COBL: variants seen among roughly 807,000 people sequenced by gnomAD.
COBL encodes protein cordon-bleu.
Under a neutral mutation model 98.8 loss-of-function variants are expected in COBL, and 51 were observed. That is an observed-to-expected ratio of 0.52 (90% CI 0.41 to 0.65). The LOEUF is 0.65. Ranked by LOEUF, COBL falls within the 30% of genes least tolerant of loss-of-function variation. The pLI is 0.00. For missense variants in COBL, 1,617 were observed against 1,617.5 expected (o/e 1.00, Z 0.01); for synonymous variants, 634 against 651.7 (o/e 0.97, Z 0.41).
chr7:51,018,206 C>T (rs1328364021), intron 12 of COBL, among the ~76,000 whole-genome samples: 2 of 150,122 alleles, frequency 1.3e-5, no homozygotes, highest in East Asian at 2.0e-4. Context: ...GTGGTGATGG[C>T]GGTGGTTGTG....
chr7:51,240,870 C>T (rs992622550), intron 1 of COBL, among the ~76,000 whole-genome samples: 3 of 152,180 alleles, frequency 2.0e-5, no homozygotes, highest in African/African-American at 4.8e-5. Flanking sequence ...AGGTACTACA[C>T]ATCCTTTTTA....
chr7:51,199,387 G>C (rs2129063437), intron 2 of COBL, among the ~76,000 whole-genome samples: 1 of 152,166 alleles, frequency 6.6e-6, no homozygotes, highest in Admixed American at 6.5e-5. Context: ...CAAATGCACA[G>C]ACACACACAC....
chr7:51,233,992 T>C (rs547016319), intron 1 of COBL, among the ~76,000 whole-genome samples: 1 of 152,362 alleles, frequency 6.6e-6, no homozygotes, highest in South Asian at 2.1e-4. Context: ...AAAAGTATTT[T>C]ATTTAGGATG....
At chr7:51,158,481 T>TG (rs1786424583) in intron 5 of COBL, among the ~76,000 whole-genome samples, 1 of 61,378 alleles carries the variant, frequency 1.6e-5, no homozygotes, top group South Asian at 5.8e-4. Context: ...ATATTTAAGA[T>TG]GCAGAAATCA....
At chr7:51,101,585 G>T (rs1400986213) in intron 6 of COBL, among the ~76,000 whole-genome samples, 2 of 152,176 alleles carry the variant, frequency 1.3e-5, no homozygotes, top group Non-Finnish European at 2.9e-5. Flanking sequence ...GATAGGTCAG[G>T]AAGAAATAAC....
At chr7:51,238,420 G>A (rs564270963) in intron 1 of COBL, among the ~76,000 whole-genome samples, 17 of 152,208 alleles carry the variant, frequency 1.1e-4, no homozygotes, top group African/African-American at 3.9e-4. Flanking sequence ...TGACAGTAGC[G>A]GGGCAGAGCT....
intron 7 of COBL, among the ~76,000 whole-genome samples, chr7:51,083,683 T>G (rs912056082): frequency 1.6e-4 from 24 of 152,216 alleles, no homozygotes; most frequent in Non-Finnish European, 7.3e-5. Flanking sequence ...GATTAAGCAT[T>G]CATTTAGCTT....
intron 8 of COBL, among the ~76,000 whole-genome samples, chr7:51,039,982 G>A (rs1427255447): frequency 6.6e-6 from 1 of 152,152 alleles, no homozygotes; most frequent in East Asian, 1.9e-4. Context: ...CACACTGCCT[G>A]TGATCTCTCA....
At chr7:51,043,834 T>C (rs943532721) in intron 7 of COBL, 142 bp from the exon 8 acceptor site, 20 of 646,910 alleles carry the variant, frequency 3.1e-5, no homozygotes, top group Non-Finnish European at 4.5e-5. Flanking sequence ...CTCATTCAAA[T>C]ACTGCTGAAT....
chr7:51,138,731 G>A (rs1456844261), intron 5 of COBL, among the ~76,000 whole-genome samples: 1 of 152,220 alleles, frequency 6.6e-6, no homozygotes, highest in African/African-American at 2.4e-5. Flanking sequence ...GATGCTTAAA[G>A]CTGTGGTAGT....
intron 1 of COBL, among the ~76,000 whole-genome samples, chr7:51,310,842 G>T (rs1415666406): frequency 6.6e-6 from 1 of 152,238 alleles, no homozygotes; most frequent in Admixed American, 6.5e-5. Context: ...ATTTTTAGTA[G>T]AGATGGGGTT....
At chr7:51,306,587 C>G (rs1802497618) in intron 1 of COBL, among the ~76,000 whole-genome samples, 1 of 152,162 alleles carries the variant, frequency 6.6e-6, no homozygotes, top group African/African-American at 2.4e-5. Context: ...GGCAGAACAT[C>G]TTGCTTTGAG....
At position 51,016,741 on chromosome 7, in the gene COBL, G is replaced by C. The variant is rs1033237831; in HGVS notation, c.*810C>G. ...GTGAAGTCATCAGGCTCCGTACACA[G>C]GCACCGTGGGGGAGGCCTATGTCAC... On this transcript the variant is annotated 3_prime_UTR_variant, in exon 13 of 13. Transcript: ENST00000265136. 12 of 390,894 alleles carry C rather than the reference G, an allele frequency of 3.1e-5. No individual in the cohort carries two copies. Among genetic ancestry groups the C allele is most frequent in the African/African-American group, 2.3e-4 (11 of 48,528 alleles). The allele number at this position is 390,894 out of a possible 1,614,324, so 24.2% of individuals were successfully genotyped here.
At chr7:51,091,896 A>G (rs1178114239) in intron 6 of COBL, among the ~76,000 whole-genome samples, 1 of 152,208 alleles carries the variant, frequency 6.6e-6, no homozygotes, top group Non-Finnish European at 1.5e-5. Flanking sequence ...AAAACGGAGA[A>G]AAAAAACGCC....
chr7:51,291,451 G>T (rs1800885600), intron 1 of COBL, among the ~76,000 whole-genome samples: 1 of 152,200 alleles, frequency 6.6e-6, no homozygotes, highest in African/African-American at 2.4e-5. Flanking sequence ...GTAATGAGGT[G>T]ACAGTCATAA....
At chr7:51,102,604 T>C (rs1045540110) in intron 6 of COBL, among the ~76,000 whole-genome samples, 24 of 152,312 alleles carry the variant, frequency 1.6e-4, no homozygotes, top group Admixed American at 3.3e-4. Flanking sequence ...GTTCACGTTA[T>C]TCTTAGGGGA....
intron 1 of COBL, among the ~76,000 whole-genome samples, chr7:51,307,094 G>A (rs111993020): frequency 1.6e-4 from 24 of 152,220 alleles, no homozygotes; most frequent in African/African-American, 4.3e-4. Flanking sequence ...CCCATAATCC[G>A]AGTGCTCTGG....
intron 1 of COBL, among the ~76,000 whole-genome samples, chr7:51,245,983 T>C (rs1796243836): frequency 6.6e-6 from 1 of 152,208 alleles, no homozygotes; most frequent in Non-Finnish European, 1.5e-5. Flanking sequence ...GTTTTCATTA[T>C]GGCAAAGATC....
chr7:51,205,057 G>T (rs182946461), intron 2 of COBL, among the ~76,000 whole-genome samples: 1 of 152,230 alleles, frequency 6.6e-6, no homozygotes, highest in Non-Finnish European at 1.5e-5. Context: ...TGGATTAGAA[G>T]AATTAATATT....
Sources: gnomAD v4.1 joint callset for allele counts (sites outside exome capture counted in the v4.1 genomes callset) on GRCh38, gnomAD v4.1.1 for gene constraint, MANE v1.5 for transcripts, NCBI Gene and HGNC (gene_info 2026-07-23, HGNC 2026-07-21) for gene names.